Variants in CCS observed in about 807,000 individuals in gnomAD.
CCS encodes superoxide dismutase copper chaperone.
CCS carries 32 observed loss-of-function variants against 35.5 expected under a neutral mutation model. The ratio of observed to expected loss-of-function variants is 0.90; its 90% confidence interval spans 0.68 to 1.21. CCS has a LOEUF of 1.21. Ranked by LOEUF, CCS falls within the 50% of genes most tolerant of loss-of-function variation. CCS has a pLI of 0.00. For synonymous variants in CCS, 130 were observed against 147.2 expected (o/e 0.88, Z 0.84); for missense variants, 342 against 375.4 (o/e 0.91, Z 0.73).
chr11:66,595,430 C>T (rs1224360463), intron 2 of CCS, among the ~76,000 whole-genome samples: 6 of 152,136 alleles, frequency 3.9e-5, no homozygotes, highest in Non-Finnish European at 5.9e-5. Flanking sequence ...GTTTTCAGCC[C>T]TCAGCATGTT....
chr11:66,599,672 G>A, intron 4 of CCS, 36 bp downstream of exon 4: 1 of 1,594,146 alleles, frequency 6.3e-7, no homozygotes, highest in Non-Finnish European at 8.6e-7. Flanking sequence ...AGCATTCTCA[G>A]CTACACATTT....
chr11:66,601,445 A>G (rs1458852878), intron 5 of CCS, among the ~76,000 whole-genome samples: 5 of 152,218 alleles, frequency 3.3e-5, no homozygotes, highest in South Asian at 2.1e-4. Flanking sequence ...CCACAAAACA[A>G]TTGAAACCAT....
rs183808690 is a variant in CCS at position 66,605,213 on chromosome 11, G to A, written c.490-126G>A. 93 of 1,545,140 alleles carry A rather than the reference G, an allele frequency of 6.0e-5. 1 individual carries two copies. The Middle Eastern group carries it at 8.4e-4, about 14-fold the overall frequency. On this transcript the variant is annotated intron_variant, in intron 5 of 7. Coordinates refer to ENST00000533244, the MANE Select transcript of CCS (RefSeq NM_005125.2). ...GGGGAGCTCAGATCCTACGAGACTG[G>A]TACCCACAGGAGGAAATGGGTACTT...
rs752579107 is a variant in CCS, at chr11:66,593,216, C to T, written c.-46C>T. On this transcript the variant is annotated 5_prime_UTR_variant, in exon 1 of 8. Coordinates refer to ENST00000533244, the MANE Select transcript of CCS (RefSeq NM_005125.2). ...CGCGACGCCGCGCTGGTTGGTGCTC[C>T]TGCGCCGGAGGAGTTCTGCGTCTCG... 4 of 1,550,732 alleles carry T rather than the reference C, an allele frequency of 2.6e-6. No homozygotes were observed. The Middle Eastern group carries it at 5.0e-4, about 194-fold the overall frequency.
chr11:66,595,280 T>A (rs577744662), intron 2 of CCS, among the ~76,000 whole-genome samples: 2 of 152,306 alleles, frequency 1.3e-5, no homozygotes, highest in South Asian at 2.1e-4. Context: ...GTGATCTGGA[T>A]GGAAGGAGGC....
At position 66,605,931 on chromosome 11, in the gene CCS, T is replaced by C; in HGVS notation, c.*76T>C. 7.1e-7 allele frequency: 1 copy of C among 1,406,580 alleles called. No individual in the cohort carries two copies. Among genetic ancestry groups the C allele is most frequent in the Non-Finnish European group, 9.3e-7 (1 of 1,073,590 alleles). The allele number at this position is 1,406,580 out of a possible 1,614,324, so 87.1% of individuals were successfully genotyped here. A position where few individuals can be genotyped will look rare whatever the true frequency, so the allele number is the denominator to read the frequency against. On this transcript the variant is annotated 3_prime_UTR_variant, in exon 8 of 8. Coordinates refer to ENST00000533244, the MANE Select transcript of CCS (RefSeq NM_005125.2). ...ACTTCCAGAGGGGGCCAGAGGGACTTTGCCTGCCCAGTCTTTGGAGAGCTC... is the reference window on the plus strand; with the variant it reads ...ACTTCCAGAGGGGGCCAGAGGGACTCTGCCTGCCCAGTCTTTGGAGAGCTC...
chr11:66,601,566 C>T (rs1023154603), intron 5 of CCS, among the ~76,000 whole-genome samples: 1 of 151,884 alleles, frequency 6.6e-6, no homozygotes, highest in Non-Finnish European at 1.5e-5. Context: ...CTCCCCTCCC[C>T]TCCCCTCCCC....
chr11:66,604,186 C>T (rs538177095), intron 5 of CCS, among the ~76,000 whole-genome samples: 3 of 152,284 alleles, frequency 2.0e-5, no homozygotes, highest in South Asian at 2.1e-4. Context: ...GCCGAGATCA[C>T]ACCATTGCAT....
At chr11:66,604,736 A>G (rs891574939) in intron 5 of CCS, among the ~76,000 whole-genome samples, 1 of 152,140 alleles carries the variant, frequency 6.6e-6, no homozygotes, top group African/African-American at 2.4e-5. Flanking sequence ...GTGTTATGAC[A>G]ATTTTTATTA....
In CCS at chr11:66,605,495, G is replaced by T. The variant is rs760212703; in HGVS notation, c.574G>T (p.Asp192Tyr). Residue 192 changes from aspartate (D) to tyrosine (Y), a missense_variant, in exon 7 of 8, where the codon GAT becomes TAT. By Grantham distance (160) the Asp-to-Tyr change is radical. Coordinates refer to ENST00000533244, the MANE Select transcript of CCS (RefSeq NM_005125.2). The stretch of plus-strand genomic sequence containing the variant: ...CTGTCGTCTCCCCTCAAAGGTGTGG[G>T]ATGTGATTGGCCGCAGCCTGATTAT... Reference protein sequence around the residue: ...RMEDEQLKVWDVIGRSLIIDE... With the variant: ...RMEDEQLKVWYVIGRSLIIDE... 6.2e-7 allele frequency: 1 copy of T among 1,613,902 alleles called. No homozygotes were observed. Among genetic ancestry groups the T allele is most frequent in the Admixed American group, 1.7e-5 (1 of 59,996 alleles).
At chr11:66,600,616 A>C (rs2134982860) in intron 5 of CCS, 67 bp downstream of exon 5, 1 of 764,298 alleles carries the variant, frequency 1.3e-6, no homozygotes, top group East Asian at 2.9e-5. Flanking sequence ...CAGGGCAGGC[A>C]GCTCTTGGGA....
intron 2 of CCS, among the ~76,000 whole-genome samples, chr11:66,598,227 C>A (rs896516248): frequency 2.0e-5 from 3 of 151,960 alleles, no homozygotes; most frequent in Non-Finnish European, 4.4e-5. Flanking sequence ...CACAGCCAGG[C>A]GTGATGGCTC....
At chr11:66,602,616 G>A (rs1201060341) in intron 5 of CCS, among the ~76,000 whole-genome samples, 1 of 152,256 alleles carries the variant, frequency 6.6e-6, no homozygotes, top group Non-Finnish European at 1.5e-5. Flanking sequence ...CAGGAAGTAG[G>A]CATTGAAGAG....
chr11:66,593,816 A>G (rs1049527324), intron 2 of CCS, 102 bp downstream of exon 2: 5 of 1,062,130 alleles, frequency 4.7e-6, no homozygotes, highest in African/African-American at 1.6e-5. Flanking sequence ...AGATGCAGAA[A>G]GTGAACCCCA....
chr11:66,593,748 C>CAGAA, intron 2 of CCS, 34 bp downstream of exon 2: 1 of 1,599,752 alleles, frequency 6.3e-7, no homozygotes, highest in African/African-American at 1.3e-5. Context: ...GCAGACAGTC[C>CAGAA]AGAAGCCTCT....
chr11:66,603,809 G>A (rs1398964740), intron 5 of CCS, among the ~76,000 whole-genome samples: 1 of 152,106 alleles, frequency 6.6e-6, no homozygotes, highest in African/African-American at 2.4e-5. Flanking sequence ...TCGCGCCACT[G>A]CACTCCAGCC....
intron 5 of CCS, among the ~76,000 whole-genome samples, chr11:66,603,892 G>A (rs562895383): frequency 1.5e-4 from 23 of 151,522 alleles, no homozygotes; most frequent in African/African-American, 5.3e-4. Flanking sequence ...GCCAGGTATG[G>A]TGGCGTGCTC....
intron 5 of CCS, chr11:66,605,056 G>A: frequency 7.7e-7 from 1 of 1,302,924 alleles, no homozygotes; most frequent in Non-Finnish European, 1.0e-6. Context: ...AACTTCCACT[G>A]GCTCTTTTCA....
chr11:66,604,430 G>T (rs567452949), intron 5 of CCS, among the ~76,000 whole-genome samples: 1 of 152,320 alleles, frequency 6.6e-6, no homozygotes, highest in African/African-American at 2.4e-5. Flanking sequence ...ACAGTGAGAT[G>T]CCTGGTTACT....
Sources: gnomAD v4.1 joint callset for allele counts (sites outside exome capture counted in the v4.1 genomes callset) on GRCh38, gnomAD v4.1.1 for gene constraint, MANE v1.5 for transcripts, NCBI Gene and HGNC (gene_info 2026-07-23, HGNC 2026-07-21) for gene names.